The following EYS variants were observed in gnomAD, a reference collection of about 807,000 sequenced individuals.
EYS encodes the protein protein eyes shut homolog.
In EYS, 250 loss-of-function variants were observed where a neutral mutation model predicts 282.1. That is an observed-to-expected ratio of 0.89 (90% CI 0.80 to 0.98). The LOEUF is 0.98. EYS is among the 50% of genes least tolerant of loss of function. The pLI, the probability that EYS is intolerant of heterozygous loss-of-function variation, is 0.00. For missense variants in EYS, 4,016 were observed against 3,709.0 expected, an observed-to-expected ratio of 1.08 and a Z score of -2.15; for synonymous variants, 1,355 against 1,282.9, an observed-to-expected ratio of 1.06 and a Z score of -1.20.
chr6:63,959,647 C>A (rs1238019115), intron 35 of EYS, among the ~76,000 whole-genome samples: 8 of 152,080 alleles, frequency 5.3e-5, no homozygotes, highest in Admixed American at 5.2e-4. Flanking sequence ...ATAAAGGAAA[C>A]GTGGTACATA....
chr6:65,397,623 TG>T (rs1766336447), intron 7 of EYS, among the ~76,000 whole-genome samples: 1 of 149,046 alleles, frequency 6.7e-6, no homozygotes, highest in African/African-American at 2.5e-5. Context: ...TGTGTGTGTG[TG>T]TGTGTGTATC....
At chr6:64,210,696 A>AT (rs747639256) in intron 31 of EYS, among the ~76,000 whole-genome samples, 1 of 152,164 alleles carries the variant, frequency 6.6e-6, no homozygotes, top group Non-Finnish European at 1.5e-5. Flanking sequence ...AATGGCGTCA[A>AT]TTTGACTAGA....
chr6:65,090,066 G>T (rs1774512074), intron 12 of EYS, among the ~76,000 whole-genome samples: 1 of 151,282 alleles, frequency 6.6e-6, no homozygotes, highest in Admixed American at 6.6e-5. Context: ...ATTCTGTTTT[G>T]AAATATGAGG....
chr6:64,507,384 AG>A (rs1315190884), intron 26 of EYS, among the ~76,000 whole-genome samples: 1 of 152,166 alleles, frequency 6.6e-6, no homozygotes, highest in Admixed American at 6.5e-5. Context: ...TTATATAATC[AG>A]GGTGAAGCAA....
intron 12 of EYS, among the ~76,000 whole-genome samples, chr6:65,062,502 T>C (rs560124462): frequency 6.6e-6 from 1 of 152,028 alleles, no homozygotes; most frequent in African/African-American, 2.4e-5. Context: ...ACATCCAGAG[T>C]AATTTTTTTA....
intron 5 of EYS, among the ~76,000 whole-genome samples, chr6:65,416,845 T>G: frequency 6.6e-6 from 1 of 151,972 alleles, no homozygotes; most frequent in East Asian, 1.9e-4. Flanking sequence ...TGCCTTTCAT[T>G]TCTATGGGGA....
chr6:63,994,608 A>C (rs993556007), intron 34 of EYS, among the ~76,000 whole-genome samples: 7 of 151,938 alleles, frequency 4.6e-5, no homozygotes, highest in African/African-American at 1.7e-4. Flanking sequence ...CATTCTAAGG[A>C]AGACTCCAGA....
chr6:64,967,902 A>T (rs1770151875), intron 14 of EYS, among the ~76,000 whole-genome samples: 1 of 151,846 alleles, frequency 6.6e-6, no homozygotes, highest in Admixed American at 6.6e-5. Context: ...TAAAATAACC[A>T]CTCTATCCCC....
intron 28 of EYS, among the ~76,000 whole-genome samples, chr6:64,394,149 A>C (rs1033525373): frequency 1.3e-5 from 2 of 152,262 alleles, no homozygotes; most frequent in African/African-American, 2.4e-5. Flanking sequence ...AACAAATGGA[A>C]GAACATTCCA....
chr6:65,091,848 T>G (rs1278915943), intron 12 of EYS, among the ~76,000 whole-genome samples: 1 of 151,716 alleles, frequency 6.6e-6, no homozygotes, highest in South Asian at 2.1e-4. Flanking sequence ...TTTGAGCCAC[T>G]GTTGTCTGTG....
intron 4 of EYS, among the ~76,000 whole-genome samples, chr6:65,494,107 A>G (rs1766142229): frequency 6.6e-6 from 1 of 152,158 alleles, no homozygotes; most frequent in Non-Finnish European, 1.5e-5. Flanking sequence ...AGATGTAAAT[A>G]TAGATATTTC....
intron 2 of EYS, among the ~76,000 whole-genome samples, chr6:65,562,075 A>G (rs1051832402): frequency 1.3e-5 from 2 of 151,778 alleles, no homozygotes; most frequent in African/African-American, 2.4e-5. Context: ...GAAAATTACC[A>G]TATACACCAT....
intron 35 of EYS, among the ~76,000 whole-genome samples, chr6:63,886,625 A>AT (rs1360377554): frequency 1.3e-4 from 20 of 151,960 alleles, no homozygotes; most frequent in East Asian, 3.8e-4. Context: ...TTCTGCTTTG[A>AT]ATTTTTTTTA....
At chr6:65,590,200 T>C (rs1288063370) in intron 2 of EYS, among the ~76,000 whole-genome samples, 3 of 152,078 alleles carry the variant, frequency 2.0e-5, no homozygotes, top group African/African-American at 7.2e-5. Flanking sequence ...AAGGGTAGCA[T>C]GGAACCTTCT....
chr6:64,487,524 G>C (rs2150503669), intron 26 of EYS, among the ~76,000 whole-genome samples: 1 of 150,826 alleles, frequency 6.6e-6, no homozygotes, highest in African/African-American at 2.4e-5. Flanking sequence ...TATTGCTTAT[G>C]TCCTAACAAA....
intron 35 of EYS, among the ~76,000 whole-genome samples, chr6:63,969,406 AT>A (rs1318050016): frequency 6.6e-6 from 1 of 152,220 alleles, no homozygotes; most frequent in Non-Finnish European, 1.5e-5. Context: ...AGCATGAGGA[AT>A]TTTTGTTTAT....
chr6:65,615,224 T>C (rs1186488204), intron 2 of EYS, among the ~76,000 whole-genome samples: 3 of 152,092 alleles, frequency 2.0e-5, no homozygotes, highest in Non-Finnish European at 4.4e-5. Context: ...GATCAATACC[T>C]TGCTTGAGAC....
intron 33 of EYS, among the ~76,000 whole-genome samples, chr6:64,025,697 A>G (rs1415001833): frequency 6.6e-6 from 1 of 152,142 alleles, no homozygotes; most frequent in Non-Finnish European, 1.5e-5. Flanking sequence ...CAGGCCCAAC[A>G]AAAGCTGTTC....
At chr6:64,879,909 A>T (rs764810867) in intron 19 of EYS, among the ~76,000 whole-genome samples, 20 of 152,020 alleles carry the variant, frequency 1.3e-4, no homozygotes, top group South Asian at 2.1e-4. Context: ...AGAAATATAG[A>T]GGTAAATATC....
Sources: gnomAD v4.1 joint callset for allele counts (sites outside exome capture counted in the v4.1 genomes callset) on GRCh38, gnomAD v4.1.1 for gene constraint, MANE v1.5 for transcripts, NCBI Gene and HGNC (gene_info 2026-07-23, HGNC 2026-07-21) for gene names.